Variants in FOXO3 observed in about 807,000 individuals in gnomAD.
FOXO3 encodes the protein forkhead box protein O3.
In FOXO3, 4 loss-of-function variants were observed where a neutral mutation model predicts 41.9. The ratio of observed to expected loss-of-function variants is 0.10; its 90% CI spans 0.05 to 0.22. The LOEUF (loss-of-function observed/expected upper bound fraction) is 0.22, where lower values mean the gene tolerates loss of function less well. Ranked by LOEUF, FOXO3 falls within the 10% of genes least tolerant of loss-of-function variation. The pLI is 1.00. For synonymous variants in FOXO3, 318 were observed against 389.3 expected, an observed-to-expected ratio of 0.82 and a Z score of 2.16; for missense variants, 534 against 906.8, an observed-to-expected ratio of 0.59 and a Z score of 5.28.
chr6:108,665,451 CAG>C (rs890420250), intron 2 of FOXO3, among the ~76,000 whole-genome samples: 1 of 152,166 alleles, frequency 6.6e-6, no homozygotes, highest in Non-Finnish European at 1.5e-5. Context: ...ATATTTCTAA[CAG>C]AAGCAAAATC....
intron 1 of FOXO3, among the ~76,000 whole-genome samples, chr6:108,652,123 TGA>T (rs1366165742): frequency 1.3e-5 from 2 of 152,204 alleles, no homozygotes; most frequent in African/African-American, 4.8e-5. Context: ...GATATTGGCT[TGA>T]CGTAGTCACA....
intron 1 of FOXO3, among the ~76,000 whole-genome samples, chr6:108,574,183 C>G (rs2490272): frequency 6.7e-6 from 1 of 150,132 alleles, no homozygotes; most frequent in Non-Finnish European, 1.5e-5. Context: ...GAAGAATTAG[C>G]GCGTACCTGG....
At chr6:108,605,473 G>T (rs1247555593) in intron 1 of FOXO3, among the ~76,000 whole-genome samples, 1 of 152,024 alleles carries the variant, frequency 6.6e-6, no homozygotes, top group East Asian at 1.9e-4. Flanking sequence ...TAATTTCTGA[G>T]CATTCACTAT....
At chr6:108,656,570 G>A (rs565979317) in intron 1 of FOXO3, 7 of 937,642 alleles carry the variant, frequency 7.5e-6, no homozygotes, top group African/African-American at 1.8e-5. Context: ...CACTGCTTCC[G>A]TGTGGGATCT....
At chr6:108,563,476 G>A (rs923730096) in intron 1 of FOXO3, among the ~76,000 whole-genome samples, 10 of 152,204 alleles carry the variant, frequency 6.6e-5, no homozygotes, top group Admixed American at 6.5e-4. Flanking sequence ...TTTTAAAACT[G>A]GGTTTCCAAG....
rs1179607342 is a variant in FOXO3, at chr6:108,560,968, CCTGGGAGGCGGGCGCGGCAGGA to C, written c.-232_-211del. The C allele has an allele frequency of 1.5e-6, 2 of 1,337,642 alleles. No individual in the cohort carries two copies. Among genetic ancestry groups the C allele is most frequent in the Non-Finnish European group, 1.9e-6 (2 of 1,053,822 alleles). 82.9% of individuals were successfully genotyped at this position (1,337,642 alleles called of 1,614,324 possible). ...CCGCACGTCTTCAGGTCCTCCTGTT[CCTGGGAGGCGGGCGCGGCAGGA>C]CTGGGAGGTGGCGGCAGCGGGCGAG... On this transcript the variant is annotated 5_prime_UTR_variant, in exon 1 of 3. Coordinates refer to ENST00000406360, the MANE Select transcript of FOXO3 (RefSeq NM_001455.4).
At chr6:108,593,088 A>G (rs972377842) in intron 1 of FOXO3, among the ~76,000 whole-genome samples, 5 of 152,232 alleles carry the variant, frequency 3.3e-5, no homozygotes, top group Admixed American at 2.0e-4. Context: ...AGTCAGTGTT[A>G]GCCTGTAAGA....
Position 108,569,713 on chromosome 6 carries a change from C to G in FOXO3, c.621+7884C>G, listed in dbSNP as rs188511650. 9.2e-5 allele frequency among the ~76,000 whole-genome samples: 14 copies of G among 152,192 alleles called. No individual in the cohort carries two copies. In the East Asian group the frequency reaches 2.5e-3, roughly 27 times the overall value. ...CTGGAGGCTCACCACACCTTGGTGT[C>G]CAGATGTGCCCTAGGACTGCAGTGG... is the stretch of plus-strand genomic sequence containing the variant. On this transcript the variant is annotated intron_variant, in intron 1 of 2. Coordinates refer to ENST00000406360, the MANE Select transcript of FOXO3 (RefSeq NM_001455.4).
chr6:108,625,830 A>T (rs1777800210), intron 1 of FOXO3, among the ~76,000 whole-genome samples: 1 of 152,180 alleles, frequency 6.6e-6, no homozygotes, highest in South Asian at 2.1e-4. Context: ...TGGGTTGTTT[A>T]AGTGAGATTA....
rs10612637 is a variant in FOXO3 at position 108,649,008 on chromosome 6, T to TAA, written c.622-14423_622-14422dup. Reference sequence around the variant, plus strand: ...GGTAACAGAGTGGGAACCTATCTCTTAAAAAAAAAAAAAAAAAAAAAAAAA... The same window carrying TAA: ...GGTAACAGAGTGGGAACCTATCTCTTAAAAAAAAAAAAAAAAAAAAAAAAAAA... On this transcript the variant is annotated intron_variant, in intron 1 of 2. Transcript: ENST00000406360. Among the ~76,000 whole-genome samples the TAA allele has an allele frequency of 8.8e-4, 70 of 79,106 alleles. 1 individual carries two copies. The highest frequency in any genetic ancestry group is 2.6e-3 in the African/African-American group (59 of 22,384). The allele number at this position is 79,106 out of a possible 152,430, so 51.9% of individuals were successfully genotyped here.
rs151156319 is a variant in FOXO3, at chr6:108,621,220, G to A, written c.622-42235G>A. Among the ~76,000 whole-genome samples the A allele has an allele frequency of 6.8e-3, 1,039 of 152,200 alleles. 11 individuals are homozygous for A. The highest frequency in any genetic ancestry group is 0.024 in the African/African-American group (1,001 of 41,546). On this transcript the variant is annotated intron_variant, in intron 1 of 2. Transcript: ENST00000406360. ...TTAAAAGCTATGCTTGTATGTCCTC[G>A]CTCTGCCTGCAGAGCTAGGAGTGCC...
At chr6:108,668,184 T>C (rs919962936) in intron 2 of FOXO3, among the ~76,000 whole-genome samples, 5 of 152,358 alleles carry the variant, frequency 3.3e-5, no homozygotes, top group Admixed American at 2.6e-4. Context: ...GGTCATGTGA[T>C]GCTGAATCTG....
upstream of FOXO3, among the ~76,000 whole-genome samples, chr6:108,560,670 G>A (rs1171743276): frequency 1.3e-5 from 2 of 152,072 alleles, no homozygotes; most frequent in African/African-American, 2.4e-5. Context: ...ACTAGAGCGG[G>A]CCCGAGCGAA....
rs766475174 is a variant in FOXO3 at position 108,664,070 on chromosome 6, A to G, written c.1237A>G (p.Ser413Gly). The change falls in exon 2 of 3, where the codon AGC becomes GGC. Residue 413 changes from serine (S) to glycine (G), a missense_variant. By Grantham distance (56) the Ser-to-Gly change is moderately conservative. Transcript: ENST00000406360. ...TGGGGGACTCATGCAGCGGAGCTCT[A>G]GCTTCCCGTATACCACCAAGGGCTC... Reference protein sequence around the residue: ...PTGGLMQRSSSFPYTTKGSGL... With the variant: ...PTGGLMQRSSGFPYTTKGSGL... 5.0e-6 allele frequency: 8 copies of G among 1,614,164 alleles called. 1 individual carries two copies. In the South Asian group the frequency reaches 5.5e-5, roughly 11 times the overall value.
chr6:108,581,295 CAG>C (rs1044949116), intron 1 of FOXO3, among the ~76,000 whole-genome samples: 4 of 152,032 alleles, frequency 2.6e-5, no homozygotes, highest in African/African-American at 9.7e-5. Context: ...CTGTGGAGGA[CAG>C]GGGTAATAAC....
At chr6:108,639,620 C>G (rs927773395) in intron 1 of FOXO3, 92 of 981,898 alleles carry the variant, frequency 9.4e-5, no homozygotes, top group Non-Finnish European at 1.1e-4. Context: ...GTTTGGTTTG[C>G]TCCTGGTTGA....
At chr6:108,600,546 CAAAAAAAAAAAAAAA>C (rs56888212) in intron 1 of FOXO3, among the ~76,000 whole-genome samples, 2 of 47,746 alleles carry the variant, frequency 4.2e-5, no homozygotes, top group African/African-American at 1.1e-4. Context: ...GTCTCCATCT[CAAAAAAAAAAAAAAA>C]AAAAAAAAAA....
At chr6:108,653,776 G>A (rs1029455226) in intron 1 of FOXO3, among the ~76,000 whole-genome samples, 2 of 152,180 alleles carry the variant, frequency 1.3e-5, no homozygotes, top group South Asian at 2.1e-4. Context: ...GGAAAAAGGT[G>A]CAGCCTTATT....
At chr6:108,582,538 T>C (rs2128360556) in intron 1 of FOXO3, among the ~76,000 whole-genome samples, 1 of 152,328 alleles carries the variant, frequency 6.6e-6, no homozygotes, top group Non-Finnish European at 1.5e-5. Flanking sequence ...AATGAACCAT[T>C]TGTCAGATAA....
Sources: gnomAD v4.1 joint callset for allele counts (sites outside exome capture counted in the v4.1 genomes callset) on GRCh38, gnomAD v4.1.1 for gene constraint, MANE v1.5 for transcripts, NCBI Gene and HGNC (gene_info 2026-07-23, HGNC 2026-07-21) for gene names.